The following NUP93 variants were observed in gnomAD, a reference collection of about 807,000 sequenced individuals.
The protein encoded by NUP93 is nuclear pore complex protein Nup93.
A neutral mutation model predicts 107.8 loss-of-function variants in NUP93; 55 were observed. The observed-to-expected ratio is 0.51, with a 90% CI of 0.41 to 0.64. The LOEUF is 0.64. NUP93 is among the 30% of genes least tolerant of loss of function. NUP93 has a pLI of 0.00. For missense variants in NUP93, 937 were observed against 1,044.7 expected, an observed-to-expected ratio of 0.90 and a Z score of 1.42; for synonymous variants, 390 against 397.5, an observed-to-expected ratio of 0.98 and a Z score of 0.22.
At chr16:56,749,999 C>G (rs191172515) in intron 2 of NUP93, among the ~76,000 whole-genome samples, 3 of 152,350 alleles carry the variant, frequency 2.0e-5, no homozygotes, top group African/African-American at 4.8e-5. Flanking sequence ...CTTGAGCATG[C>G]AGGCTCTGTG....
intron 20 of NUP93, among the ~76,000 whole-genome samples, chr16:56,840,951 T>C (rs551377328): frequency 5.7e-4 from 86 of 151,020 alleles, no homozygotes; most frequent in Non-Finnish European, 6.8e-4. Context: ...GAGCCGAGAT[T>C]GCGCCACTTC....
At chr16:56,803,751 T>A (rs200801891) in intron 4 of NUP93, among the ~76,000 whole-genome samples, 132 of 3,342 alleles carry the variant, frequency 0.039, no homozygotes, top group Admixed American at 0.074. Context: ...GGGAAAAATA[T>A]ATATATATAT....
rs2144458359 is a variant in NUP93, at chr16:56,748,405, A to G, written c.158A>G (p.Gln53Arg). Residue 53 changes from glutamine to arginine, a missense_variant, in exon 2 of 22, where the codon CAG becomes CGG. Transcript: ENST00000308159. ...TCCCGTACCCTAACACGCACGTCCC[A>G]GGAGACGGCAGATGTCAAGGCGTGA... The part of the protein sequence containing the change: ...LRSRTLTRTS[Q>R]ETADVKASVL... 1 of 1,613,070 alleles carries G rather than the reference A, an allele frequency of 6.2e-7. No individual in the cohort carries two copies. Among genetic ancestry groups the G allele is most frequent in the East Asian group, 2.2e-5 (1 of 44,850 alleles).
At chr16:56,833,533 A>G in intron 13 of NUP93, 127 bp downstream of exon 13, 1 of 711,360 alleles carries the variant, frequency 1.4e-6, no homozygotes, top group Non-Finnish European at 2.1e-6. Context: ...GAGCATGTGG[A>G]CAGTTGAGCT....
intron 3 of NUP93, among the ~76,000 whole-genome samples, chr16:56,777,609 A>G (rs1490380508): frequency 6.6e-6 from 1 of 152,198 alleles, no homozygotes; most frequent in Non-Finnish European, 1.5e-5. Context: ...ATTCTCAGCT[A>G]ATTAGTAAGG....
intron 21 of NUP93, chr16:56,842,675 C>T (rs995500526): frequency 3.8e-5 from 17 of 445,198 alleles, no homozygotes; most frequent in Non-Finnish European, 7.2e-5. Context: ...ACCTCACCCT[C>T]CCAAGTAGCT....
chr16:56,808,558 A>G (rs1312298113), intron 5 of NUP93, among the ~76,000 whole-genome samples: 2 of 124,134 alleles, frequency 1.6e-5, no homozygotes, highest in Non-Finnish European at 3.2e-5. Flanking sequence ...ATATATAAAA[A>G]TATATAAATA....
chr16:56,766,784 A>C (rs956187318), intron 3 of NUP93, among the ~76,000 whole-genome samples: 26 of 152,174 alleles, frequency 1.7e-4, no homozygotes, highest in African/African-American at 6.0e-4. Context: ...TTAGTGTCTC[A>C]CTAAAAATCC....
intron 6 of NUP93, among the ~76,000 whole-genome samples, chr16:56,819,255 T>C (rs1183854347): frequency 1.3e-5 from 2 of 152,234 alleles, no homozygotes; most frequent in East Asian, 3.8e-4. Context: ...AGTATGGATA[T>C]GGACTGAGAT....
At chr16:56,842,738 A>G (rs1221228049) in intron 21 of NUP93, 3 of 369,744 alleles carry the variant, frequency 8.1e-6, no homozygotes, top group Non-Finnish European at 1.6e-5. Context: ...CTTTATATAG[A>G]GATGGAATTT....
intron 3 of NUP93, chr16:56,782,121 C>T: frequency 1.0e-6 from 1 of 985,314 alleles, no homozygotes; most frequent in Non-Finnish European, 1.2e-6. Flanking sequence ...AGCACTGGTT[C>T]CGACAGAGCT....
intron 19 of NUP93, 195 bp from the exon 20 acceptor site, chr16:56,839,325 AT>A: frequency 2.5e-6 from 1 of 399,460 alleles, no homozygotes; most frequent in Non-Finnish European, 4.4e-6. Flanking sequence ...CAATCTCAGA[AT>A]TTTAAAAATT....
chr16:56,730,565 G>T (rs1054905681), intron 1 of NUP93, among the ~76,000 whole-genome samples: 13 of 152,030 alleles, frequency 8.6e-5, no homozygotes, highest in African/African-American at 2.9e-4. Context: ...GCGCCACAAC[G>T]CCCCGCCTGC....
intron 5 of NUP93, among the ~76,000 whole-genome samples, chr16:56,812,469 G>A (rs1484449563): frequency 3.3e-5 from 5 of 151,686 alleles, no homozygotes; most frequent in African/African-American, 4.8e-5. Flanking sequence ...TCAGCCTCCC[G>A]AATAGCTGGG....
chr16:56,779,328 AT>A (rs1262152413), intron 3 of NUP93, among the ~76,000 whole-genome samples: 3 of 152,182 alleles, frequency 2.0e-5, no homozygotes, highest in African/African-American at 7.2e-5. Flanking sequence ...TAATCTCTAC[AT>A]TTGTTTAAGT....
rs1478117605 is a variant in NUP93 at position 56,849,984 on chromosome 16, T to A, written c.*5375T>A. 2.6e-5 allele frequency: 4 copies of A among 152,246 alleles called. No homozygotes were observed. Among genetic ancestry groups the A allele is most frequent in the Admixed American group, 6.5e-5 (1 of 15,280 alleles). 9.4% of individuals were successfully genotyped at this position (152,246 alleles called of 1,614,324 possible). A position where few individuals can be genotyped will look rare whatever the true frequency, so the allele number is the denominator to read the frequency against. On this transcript the variant is annotated 3_prime_UTR_variant, in exon 22 of 22. Transcript: ENST00000308159. Reference sequence around the variant, plus strand: ...AACCAGGAATTTCAAATACTGTGTATTTTAGAAAGAAAGGAAAGAGCCAAA... The same window carrying A: ...AACCAGGAATTTCAAATACTGTGTAATTTAGAAAGAAAGGAAAGAGCCAAA...
intron 3 of NUP93, among the ~76,000 whole-genome samples, chr16:56,792,599 A>G (rs553212659): frequency 6.6e-6 from 1 of 152,332 alleles, no homozygotes; most frequent in South Asian, 2.1e-4. Flanking sequence ...TGATCCAGTT[A>G]AGTAGTATTG....
chr16:56,833,276 A>G lies in NUP93; in HGVS notation c.1407A>G (p.Thr469=), dbSNP rs577690993. The change falls in exon 13 of 22, where the codon ACA becomes ACG. Residue 469 remains threonine, a synonymous_variant. Transcript: ENST00000308159. Reference sequence around the variant, plus strand: ...TCTACTTCCAAGTCCTGTTCCTGACAGCGCAGTTTGAAGCAGCAGTTGCCT... The same window carrying G: ...TCTACTTCCAAGTCCTGTTCCTGACGGCGCAGTTTGAAGCAGCAGTTGCCT... The part of the protein sequence containing the change: ...PFLYFQVLFL[T]AQFEAAVAFL... 12 of 1,607,150 alleles carry G rather than the reference A, an allele frequency of 7.5e-6. No homozygotes were observed. Among genetic ancestry groups the G allele is most frequent in the African/African-American group, 2.7e-5 (2 of 74,630 alleles).
chr16:56,823,995 C>A, intron 8 of NUP93, 149 bp downstream of exon 8: 1 of 1,068,104 alleles, frequency 9.4e-7, no homozygotes, highest in Non-Finnish European at 1.3e-6. Context: ...AGTTGTAATC[C>A]TGTTTCAGAA....
Sources: gnomAD v4.1 joint callset for allele counts (sites outside exome capture counted in the v4.1 genomes callset) on GRCh38, gnomAD v4.1.1 for gene constraint, MANE v1.5 for transcripts, NCBI Gene and HGNC (gene_info 2026-07-23, HGNC 2026-07-21) for gene names.